The following PCNX1 variants were observed in gnomAD, a reference collection of about 807,000 sequenced individuals.
PCNX1 encodes the protein pecanex-like protein 1.
A neutral mutation model predicts 242.2 loss-of-function variants in PCNX1; 78 were observed. That is an observed-to-expected ratio of 0.32 (90% CI 0.27 to 0.39). The LOEUF (loss-of-function observed/expected upper bound fraction) is 0.39, where lower values mean the gene tolerates loss of function less well. PCNX1 is among the 10% of genes least tolerant of loss of function. The pLI, the probability that PCNX1 is intolerant of heterozygous loss-of-function variation, is 1.00. For missense variants in PCNX1, 2,581 were observed against 2,856.5 expected, an observed-to-expected ratio of 0.90 and a Z score of 2.20; for synonymous variants, 1,024 against 1,032.9, an observed-to-expected ratio of 0.99 and a Z score of 0.17.
intron 1 of PCNX1, among the ~76,000 whole-genome samples, chr14:70,926,362 C>T (rs1316317651): frequency 6.6e-6 from 1 of 152,188 alleles, no homozygotes. Context: ...CCTTCACTCT[C>T]GCTACAGAGA....
At chr14:71,019,198 T>C (rs763879994) in intron 12 of PCNX1, 36 bp downstream of exon 12, 2 of 1,527,556 alleles carry the variant, frequency 1.3e-6, no homozygotes, top group Non-Finnish European at 1.8e-6. Flanking sequence ...TACGGAATTA[T>C]ATTTGTGTTA....
intron 1 of PCNX1, among the ~76,000 whole-genome samples, chr14:70,921,233 A>G (rs1236359334): frequency 2.0e-5 from 3 of 152,192 alleles, no homozygotes; most frequent in Non-Finnish European, 2.9e-5. Flanking sequence ...TATACATTAC[A>G]CGTAATTTCC....
rs1393261816 is a variant in PCNX1, at chr14:71,114,885, G to GTGAT, written c.*4954_*4957dup. 2 of 119,730 alleles carry GTGAT rather than the reference G, an allele frequency of 1.7e-5. No homozygotes were observed. The highest frequency in any genetic ancestry group is 1.6e-5 in the Non-Finnish European group (1 of 61,862). 7.4% of individuals were successfully genotyped at this position (119,730 alleles called of 1,614,324 possible). A position where few individuals can be genotyped will look rare whatever the true frequency, so the allele number is the denominator to read the frequency against. ...GATGACTCTTGGGTTTAGTGTACTT[G>GTGAT]TGATTGAACAAGATTTTTTATCTAT... On this transcript the variant is annotated 3_prime_UTR_variant, in exon 36 of 36. Transcript: ENST00000304743.
chr14:71,025,802 G>A (rs527719018), intron 13 of PCNX1, among the ~76,000 whole-genome samples: 1 of 143,522 alleles, frequency 7.0e-6, no homozygotes, highest in South Asian at 2.2e-4. Flanking sequence ...TCAGGAGGCT[G>A]AGGCTGCAGT....
intron 1 of PCNX1, among the ~76,000 whole-genome samples, chr14:70,932,855 G>T (rs554665128): frequency 8.6e-5 from 13 of 151,974 alleles, no homozygotes; most frequent in African/African-American, 3.1e-4. Flanking sequence ...CAGGTGATCC[G>T]CCTGCCTCGG....
intron 16 of PCNX1, among the ~76,000 whole-genome samples, chr14:71,031,167 T>C (rs2060372143): frequency 6.6e-6 from 1 of 152,218 alleles, no homozygotes; most frequent in Non-Finnish European, 1.5e-5. Context: ...CATGTACATA[T>C]CTGCGAATTA....
intron 13 of PCNX1, among the ~76,000 whole-genome samples, chr14:71,023,864 AT>A (rs1032579303): frequency 6.6e-6 from 1 of 152,204 alleles, no homozygotes; most frequent in East Asian, 1.9e-4. Context: ...CTTGAATATA[AT>A]TTTTTTAATC....
chr14:71,020,485 AGATGGTATC>A (rs1483813556), intron 12 of PCNX1, among the ~76,000 whole-genome samples: 15 of 152,174 alleles, frequency 9.9e-5, no homozygotes, highest in Non-Finnish European at 8.8e-5. Flanking sequence ...AACTGGCTTG[AGATGGTATC>A]TCATTGTGGT....
chr14:70,934,395 TA>T lies in PCNX1; in HGVS notation c.154-12512del, dbSNP rs35057502. On this transcript the variant is annotated intron_variant, in intron 1 of 35. Coordinates refer to ENST00000304743, the MANE Select transcript of PCNX1 (RefSeq NM_014982.3). ...AAGTGAAATATTTATCCATCTAGCT[TA>T]AAAAAAATTGTGGTAAAAACACATA... Among the ~76,000 whole-genome samples the T allele has an allele frequency of 6.2e-4, 94 of 151,908 alleles. 2 individuals carry two copies. In the East Asian group the frequency reaches 0.016, roughly 27 times the overall value.
In PCNX1 at chr14:70,988,614, A is replaced by G. The variant is rs1478800154; in HGVS notation, c.2359A>G (p.Thr787Ala). The change falls in exon 7 of 36, where the codon ACA becomes GCA. Residue 787 changes from threonine (T) to alanine (A), a missense_variant. By Grantham distance (58) the Thr-to-Ala change is moderately conservative (BLOSUM62 0). Transcript: ENST00000304743. ...EAVSFRRERS[T>A]FRRQAVRRRH... ...AGTGTCATTTCGCCGTGAACGCAGC[A>G]CATTTAGGCGCCAGGCAGTACGGCG... 1.2e-6 allele frequency: 2 copies of G among 1,614,038 alleles called. No homozygotes were observed. The highest frequency in any genetic ancestry group is 1.3e-5 in the African/African-American group (1 of 74,918).
chr14:71,088,679 A>G (rs543818318), intron 29 of PCNX1, among the ~76,000 whole-genome samples: 4 of 152,322 alleles, frequency 2.6e-5, no homozygotes, highest in South Asian at 4.1e-4. Flanking sequence ...AAGACATTTT[A>G]AAATACAACC....
chr14:71,057,264 A>G (rs1043969692), intron 25 of PCNX1, among the ~76,000 whole-genome samples: 1 of 152,252 alleles, frequency 6.6e-6, no homozygotes, highest in Admixed American at 6.5e-5. Context: ...GCTTCAAATC[A>G]AATTCTCACA....
chr14:70,911,478 ATTC>A (rs1370517629), intron 1 of PCNX1, among the ~76,000 whole-genome samples: 1 of 152,204 alleles, frequency 6.6e-6, no homozygotes, highest in Non-Finnish European at 1.5e-5. Flanking sequence ...TTGTTTCTTA[ATTC>A]TGATTGTCCT....
chr14:70,954,577 A>G (rs1474979361), intron 2 of PCNX1, among the ~76,000 whole-genome samples: 1 of 152,172 alleles, frequency 6.6e-6, no homozygotes, highest in Non-Finnish European at 1.5e-5. Flanking sequence ...TTTCTCCATT[A>G]AAAGGAAATT....
chr14:71,021,407 C>T (rs577710466), intron 12 of PCNX1, among the ~76,000 whole-genome samples: 1 of 152,238 alleles, frequency 6.6e-6, no homozygotes, highest in East Asian at 1.9e-4. Context: ...GAATGTTTTT[C>T]CATTTGTTTG....
chr14:71,059,347 G>A (rs945202174), intron 26 of PCNX1, among the ~76,000 whole-genome samples: 1 of 151,968 alleles, frequency 6.6e-6, no homozygotes, highest in Non-Finnish European at 1.5e-5. Context: ...ATAGATTTGG[G>A]TAACAAGGGA....
chr14:70,941,462 A>G (rs749464193), intron 1 of PCNX1, among the ~76,000 whole-genome samples: 1 of 152,140 alleles, frequency 6.6e-6, no homozygotes, highest in Non-Finnish European at 1.5e-5. Context: ...GCAGAATGGC[A>G]ATTGTTGCTG....
chr14:70,947,109 C>G lies in PCNX1; in HGVS notation c.348C>G (p.Asp116Glu), dbSNP rs765929208. The G allele has an allele frequency of 3.3e-5, 53 of 1,609,454 alleles. No homozygotes were observed. Among genetic ancestry groups the G allele is most frequent in the African/African-American group, 4.0e-5 (3 of 74,872 alleles). The change falls in exon 2 of 36, where the codon GAC (aspartate) becomes GAG (glutamate). Residue 116 changes from aspartate to glutamate, a missense_variant. Physicochemically the swap from Asp to Glu is conservative, Grantham distance 45. This residue lies in a region of PCNX1 where 1,204 missense variants were observed against 1,216.7 expected (regional missense o/e 0.99). Transcript: ENST00000304743. The stretch of plus-strand genomic sequence containing the variant: ...GCAACTGTTCAACCAGGAGAAAAGA[C>G]AGCAATGGACCGAGGTAAGGAAACC... ...EQGNCSTRRK[D>E]SNGPSDPGGG...
At chr14:70,945,225 T>G (rs2140289591) in intron 1 of PCNX1, among the ~76,000 whole-genome samples, 1 of 152,322 alleles carries the variant, frequency 6.6e-6, no homozygotes, top group East Asian at 1.9e-4. Context: ...CCAAGGATTT[T>G]AAGAGTTTTT....
Sources: gnomAD v4.1 joint callset for allele counts (sites outside exome capture counted in the v4.1 genomes callset) on GRCh38, gnomAD v4.1.1 for gene constraint, gnomAD v4.1.1 regional missense constraint, MANE v1.5 for transcripts, NCBI Gene and HGNC (gene_info 2026-07-23, HGNC 2026-07-21) for gene names.